Variants in RAB1A observed in about 807,000 individuals in gnomAD.
RAB1A encodes RAB1A, member RAS oncogene family.
A neutral mutation model predicts 26.0 loss-of-function variants in RAB1A; 2 were observed. That is an observed-to-expected ratio of 0.08 (90% CI 0.03 to 0.24). The LOEUF (loss-of-function observed/expected upper bound fraction) is 0.24, where lower values mean the gene tolerates loss of function less well. RAB1A is among the 10% of genes least tolerant of loss of function. The probability of loss-of-function intolerance (pLI) is 1.00; values close to 1 mark genes in which losing one functional copy is unlikely to be tolerated. For missense variants in RAB1A, 100 were observed against 247.0 expected, an observed-to-expected ratio of 0.40 and a Z score of 3.99; for synonymous variants, 84 against 84.9, an observed-to-expected ratio of 0.99 and a Z score of 0.06.
At chr2:65,095,777 C>T (rs1288660931) in intron 3 of RAB1A, among the ~76,000 whole-genome samples, 2 of 150,808 alleles carry the variant, frequency 1.3e-5, no homozygotes, top group Admixed American at 1.3e-4. Context: ...TTTGGGAGGC[C>T]AAGACGGGTG....
intron 1 of RAB1A, among the ~76,000 whole-genome samples, chr2:65,113,746 T>A (rs1476807620): frequency 6.6e-6 from 1 of 152,180 alleles, no homozygotes; most frequent in Non-Finnish European, 1.5e-5. Context: ...GAAAGGAATA[T>A]AGAATTTTTT....
At chr2:65,129,864 C>A (rs1180680562) in intron 1 of RAB1A, 29 bp downstream of exon 1, 1 of 1,588,598 alleles carries the variant, frequency 6.3e-7, no homozygotes. Flanking sequence ...GCCCACGGAC[C>A]CAGCCGACCG....
At chr2:65,101,835 C>T (rs1241634498) in intron 2 of RAB1A, among the ~76,000 whole-genome samples, 3 of 150,340 alleles carry the variant, frequency 2.0e-5, no homozygotes, top group Non-Finnish European at 3.0e-5. Context: ...CCACAACCTC[C>T]GCCTCCTGGG....
chr2:65,127,150 G>A (rs1670118823), intron 1 of RAB1A, among the ~76,000 whole-genome samples: 2 of 151,894 alleles, frequency 1.3e-5, no homozygotes. Flanking sequence ...ATCCCTTTGA[G>A]GTCATTAGTC....
chr2:65,104,641 T>G, intron 2 of RAB1A, 93 bp downstream of exon 2: 1 of 956,830 alleles, frequency 1.0e-6, no homozygotes, highest in South Asian at 1.5e-5. Context: ...AATTAACTTA[T>G]TCTGAATAAA....
intron 2 of RAB1A, among the ~76,000 whole-genome samples, chr2:65,103,310 A>AAAAAAAAAAC (rs1226329509): frequency 6.6e-6 from 1 of 151,496 alleles, no homozygotes; most frequent in East Asian, 2.0e-4. Flanking sequence ...AAAAAAAAAA[A>AAAAAAAAAAC]AAAACATTGT....
chr2:65,127,996 A>G (rs1670142250), intron 1 of RAB1A, among the ~76,000 whole-genome samples: 1 of 152,072 alleles, frequency 6.6e-6, no homozygotes, highest in Non-Finnish European at 1.5e-5. Flanking sequence ...GGCCTCCCAA[A>G]GTGCTGGGAT....
In RAB1A at chr2:65,124,769, C is replaced by T. The variant is rs555334912; in HGVS notation, c.23+5124G>A. ...GCCTCAGTTCTTATCTTTAAATGAT[C>T]CTACAAGATTATCTCATCATCTCAT... On this transcript the variant is annotated intron_variant, in intron 1 of 5. Coordinates refer to ENST00000409784, the MANE Select transcript of RAB1A (RefSeq NM_004161.5). 1.2e-3 allele frequency among the ~76,000 whole-genome samples: 187 copies of T among 152,128 alleles called. 2 individuals are homozygous for T. The highest frequency in any genetic ancestry group is 4.1e-3 in the South Asian group (20 of 4,824).
chr2:65,114,653 C>G (rs948847178), intron 1 of RAB1A, among the ~76,000 whole-genome samples: 1 of 151,864 alleles, frequency 6.6e-6, no homozygotes, highest in African/African-American at 2.4e-5. Context: ...ACCATCCTGG[C>G]TAACAAGGTG....
chr2:65,119,411 G>A (rs934142670), intron 1 of RAB1A, among the ~76,000 whole-genome samples: 7 of 151,494 alleles, frequency 4.6e-5, no homozygotes, highest in African/African-American at 1.7e-4. Flanking sequence ...GGAGGCTGAG[G>A]CAGGAGAATC....
At chr2:65,108,577 C>G (rs1269045283) in intron 1 of RAB1A, among the ~76,000 whole-genome samples, 1 of 151,506 alleles carries the variant, frequency 6.6e-6, no homozygotes, top group Non-Finnish European at 1.5e-5. Flanking sequence ...GAGGCCGAAG[C>G]AGGTGGATCA....
chr2:65,094,479 G>A lies in RAB1A; in HGVS notation c.193-3401C>T, dbSNP rs1415557028. 3.3e-5 allele frequency among the ~76,000 whole-genome samples: 5 copies of A among 152,088 alleles called. No individual in the cohort carries two copies. In the South Asian group the frequency reaches 8.3e-4, roughly 25 times the overall value. ...CATGCCTGTAATCCCTGCTACTAGG[G>A]AGGCTGAGGCAGAAGAATCGCTTGA... On this transcript the variant is annotated intron_variant, in intron 3 of 5. Coordinates refer to ENST00000409784, the MANE Select transcript of RAB1A (RefSeq NM_004161.5).
At chr2:65,117,210 C>T (rs1669845524) in intron 1 of RAB1A, among the ~76,000 whole-genome samples, 1 of 151,934 alleles carries the variant, frequency 6.6e-6, no homozygotes, top group South Asian at 2.1e-4. Context: ...GGACCACAAG[C>T]ACACCAACCA....
At chr2:65,110,233 A>G (rs899273926) in intron 1 of RAB1A, among the ~76,000 whole-genome samples, 6 of 152,102 alleles carry the variant, frequency 3.9e-5, no homozygotes, top group Non-Finnish European at 7.4e-5. Flanking sequence ...CGAGGTCAGG[A>G]GATCGAGACC....
chr2:65,094,305 C>T (rs1393490271), intron 3 of RAB1A, among the ~76,000 whole-genome samples: 2 of 152,166 alleles, frequency 1.3e-5, no homozygotes, highest in African/African-American at 4.8e-5. Flanking sequence ...AGCAAATCGG[C>T]CAGGCGCCGT....
rs887813410 is a variant in RAB1A at position 65,103,068 on chromosome 2, C to G, written c.96+1666G>C. ...ATGCAGTAAAAAGTGCTTTCTCCAG[C>G]ACTTTGGGAGGCTGAGGCACATGCA... is the stretch of plus-strand genomic sequence containing the variant. On this transcript the variant is annotated intron_variant, in intron 2 of 5. Coordinates refer to ENST00000409784, the MANE Select transcript of RAB1A (RefSeq NM_004161.5). Among the ~76,000 whole-genome samples the G allele has an allele frequency of 1.2e-4, 18 of 152,008 alleles. No homozygotes were observed. The East Asian group carries it at 3.3e-3, about 28-fold the overall frequency.
chr2:65,119,364 G>A (rs961387290), intron 1 of RAB1A, among the ~76,000 whole-genome samples: 4 of 151,798 alleles, frequency 2.6e-5, no homozygotes, highest in South Asian at 2.1e-4. Flanking sequence ...AAAATTAGCC[G>A]GGCATGGTGG....
In RAB1A at chr2:65,103,299, C is replaced by CAAAAAAAAACAAAAAAAAAAAACAAAAAA. The variant is rs1669475961; in HGVS notation, c.96+1434_96+1435insTTTTTTGTTTTTTTTTTTTGTTTTTTTTT. Among the ~76,000 whole-genome samples the CAAAAAAAAACAAAAAAAAAAAACAAAAAA allele has an allele frequency of 1.1e-4, 5 of 44,114 alleles. 1 individual carries two copies. In the South Asian group the frequency reaches 4.7e-3, roughly 42 times the overall value. 28.9% of individuals were successfully genotyped at this position (44,114 alleles called of 152,430 possible). On this transcript the variant is annotated intron_variant, in intron 2 of 5. Coordinates refer to ENST00000409784, the MANE Select transcript of RAB1A (RefSeq NM_004161.5). The stretch of plus-strand genomic sequence containing the variant: ...TTGGCAACACAGCCAGAATCTGTCT[C>CAAAAAAAAACAAAAAAAAAAAACAAAAAA]AAAAAAAAAAAAAAACATTGTTTTA...
At chr2:65,120,066 AT>A (rs953746675) in intron 1 of RAB1A, among the ~76,000 whole-genome samples, 4 of 151,950 alleles carry the variant, frequency 2.6e-5, no homozygotes, top group African/African-American at 9.7e-5. Flanking sequence ...ATTTCACAAA[AT>A]TGTTTCAAAT....
Sources: gnomAD v4.1 joint callset for allele counts (sites outside exome capture counted in the v4.1 genomes callset) on GRCh38, gnomAD v4.1.1 for gene constraint, MANE v1.5 for transcripts, NCBI Gene and HGNC (gene_info 2026-07-23, HGNC 2026-07-21) for gene names.